KCNIP4: variants seen among roughly 807,000 people sequenced by gnomAD.
The protein encoded by KCNIP4 is Kv channel-interacting protein 4.
In KCNIP4, 12 loss-of-function variants were observed where a neutral mutation model predicts 34.0. That is an observed-to-expected ratio of 0.35 (90% CI 0.23 to 0.57). KCNIP4 has a LOEUF of 0.57. Ranked by LOEUF, KCNIP4 falls within the 20% of genes least tolerant of loss-of-function variation. KCNIP4 has a pLI of 0.83. For missense variants in KCNIP4, 238 were observed against 311.7 expected (o/e 0.76, Z 1.78); for synonymous variants, 124 against 102.2 (o/e 1.21, Z -1.29).
At chr4:21,648,490 T>C (rs1747207902) in intron 1 of KCNIP4, among the ~76,000 whole-genome samples, 1 of 152,142 alleles carries the variant, frequency 6.6e-6, no homozygotes, top group Non-Finnish European at 1.5e-5. Context: ...TATGGGGAGA[T>C]GCAGTTTACA....
intron 1 of KCNIP4, among the ~76,000 whole-genome samples, chr4:21,346,149 A>ATG (rs1346813014): frequency 1.7e-5 from 1 of 58,646 alleles, no homozygotes; most frequent in Non-Finnish European, 3.3e-5. Context: ...GTGTATATAT[A>ATG]TAATATATAA....
At chr4:20,758,710 C>G in intron 4 of KCNIP4, 111 bp downstream of exon 4, 1 of 826,440 alleles carries the variant, frequency 1.2e-6, no homozygotes. Flanking sequence ...TGCATTAATT[C>G]TTTTACATAA....
At chr4:20,769,468 T>C (rs983378916) in intron 3 of KCNIP4, among the ~76,000 whole-genome samples, 6 of 152,140 alleles carry the variant, frequency 3.9e-5, no homozygotes, top group African/African-American at 1.4e-4. Context: ...GTCAGGGTCT[T>C]TTAAAAATTA....
At chr4:21,174,046 G>C (rs1393200852) in intron 1 of KCNIP4, among the ~76,000 whole-genome samples, 1 of 152,126 alleles carries the variant, frequency 6.6e-6, no homozygotes, top group Non-Finnish European at 1.5e-5. Context: ...AAGTGCTCAC[G>C]TGATCTGTCC....
intron 1 of KCNIP4, among the ~76,000 whole-genome samples, chr4:21,574,758 A>C (rs1740619834): frequency 6.6e-6 from 1 of 152,180 alleles, no homozygotes; most frequent in Admixed American, 6.5e-5. Context: ...TCAGAAAGAA[A>C]GTATCTTGAC....
chr4:21,048,094 C>T (rs911793758), intron 1 of KCNIP4, among the ~76,000 whole-genome samples: 1 of 152,146 alleles, frequency 6.6e-6, no homozygotes, highest in Non-Finnish European at 1.5e-5. Context: ...TATTTTGTAT[C>T]TTTACCCTGA....
chr4:20,969,964 C>T (rs1194695763), intron 1 of KCNIP4, among the ~76,000 whole-genome samples: 7 of 146,478 alleles, frequency 4.8e-5, no homozygotes, highest in African/African-American at 1.5e-4. Context: ...TTTTTTGAGA[C>T]GGATTCTTGC....
At chr4:21,100,665 T>C (rs1350255409) in intron 1 of KCNIP4, among the ~76,000 whole-genome samples, 1 of 152,164 alleles carries the variant, frequency 6.6e-6, no homozygotes, top group African/African-American at 2.4e-5. Flanking sequence ...AGCAAAAAGA[T>C]TATGACTTGC....
At chr4:21,296,320 C>T (rs1381595816) in intron 1 of KCNIP4, among the ~76,000 whole-genome samples, 1 of 151,690 alleles carries the variant, frequency 6.6e-6, no homozygotes, top group African/African-American at 2.4e-5. Flanking sequence ...TGAGTGACAG[C>T]ATCTTACAAG....
chr4:21,038,561 C>T (rs1410858107), intron 1 of KCNIP4, among the ~76,000 whole-genome samples: 2 of 152,014 alleles, frequency 1.3e-5, no homozygotes, highest in Admixed American at 6.6e-5. Context: ...AGGAGGGCTT[C>T]GAATCCCTTC....
chr4:21,490,532 A>G (rs1732300163), intron 1 of KCNIP4, among the ~76,000 whole-genome samples: 2 of 152,172 alleles, frequency 1.3e-5, no homozygotes, highest in Non-Finnish European at 2.9e-5. Context: ...ACAAAAACAC[A>G]TTACATATGT....
At chr4:21,619,076 A>G (rs1744822488) in intron 1 of KCNIP4, among the ~76,000 whole-genome samples, 1 of 152,170 alleles carries the variant, frequency 6.6e-6, no homozygotes, top group Admixed American at 6.5e-5. Context: ...TGCTCACCCG[A>G]TAAGTGAGAC....
intron 1 of KCNIP4, among the ~76,000 whole-genome samples, chr4:21,761,488 A>G (rs903155547): frequency 4.6e-5 from 7 of 152,180 alleles, no homozygotes; most frequent in African/African-American, 1.7e-4. Context: ...TCAGTTGAAC[A>G]CTATACAGAC....
At position 21,350,923 on chromosome 4, in the gene KCNIP4, T is replaced by C. The variant is rs6825673; in HGVS notation, c.62-468214A>G. On this transcript the variant is annotated intron_variant, in intron 1 of 8. Coordinates refer to ENST00000382152, the MANE Select transcript of KCNIP4 (RefSeq NM_025221.6). ...ACAAAGAAGAAACTGTTATATCTTATAATGGAAGAAAATCTGACTGTGGAG... is the reference window on the plus strand; with the variant it reads ...ACAAAGAAGAAACTGTTATATCTTACAATGGAAGAAAATCTGACTGTGGAG... 2.7e-3 allele frequency among the ~76,000 whole-genome samples: 404 copies of C among 152,278 alleles called. 3 individuals are homozygous for C. The highest frequency in any genetic ancestry group is 9.3e-3 in the African/African-American group (385 of 41,560).
At chr4:21,644,168 GTAGTTACC>G (rs1746839818) in intron 1 of KCNIP4, among the ~76,000 whole-genome samples, 1 of 152,108 alleles carries the variant, frequency 6.6e-6, no homozygotes, top group Admixed American at 6.6e-5. Context: ...AGATTGCAAT[GTAGTTACC>G]ATCTACAGAG....
rs191657510 is a variant in KCNIP4 at position 21,378,555 on chromosome 4, G to T, written c.62-495846C>A. Among the ~76,000 whole-genome samples the T allele has an allele frequency of 4.4e-3, 672 of 152,126 alleles. 6 individuals carry two copies. Among genetic ancestry groups the T allele is most frequent in the African/African-American group, 0.015 (634 of 41,528 alleles). The stretch of plus-strand genomic sequence containing the variant: ...GATTTCCTATCTTTGTTCTTGTTTT[G>T]CTCTGAAAGAATTCCTCTCTTAAAT... On this transcript the variant is annotated intron_variant, in intron 1 of 8. Coordinates refer to ENST00000382152, the MANE Select transcript of KCNIP4 (RefSeq NM_025221.6).
intron 1 of KCNIP4, among the ~76,000 whole-genome samples, chr4:21,047,669 G>C (rs28391802): frequency 6.6e-6 from 1 of 152,072 alleles, no homozygotes; most frequent in South Asian, 2.1e-4. Context: ...TGGCCTATTT[G>C]ATTTTAGTCT....
At chr4:21,731,997 C>T (rs1458925314) in intron 1 of KCNIP4, among the ~76,000 whole-genome samples, 3 of 151,210 alleles carry the variant, frequency 2.0e-5, no homozygotes, top group Non-Finnish European at 4.4e-5. Context: ...TCCAATAATT[C>T]CAAACACACA....
chr4:21,506,046 T>A (rs534366982), intron 1 of KCNIP4, among the ~76,000 whole-genome samples: 1 of 152,278 alleles, frequency 6.6e-6, no homozygotes, highest in East Asian at 1.9e-4. Flanking sequence ...GAGGTTGCAG[T>A]GAGCTGAGAT....
Sources: gnomAD v4.1 joint callset for allele counts (sites outside exome capture counted in the v4.1 genomes callset) on GRCh38, gnomAD v4.1.1 for gene constraint, MANE v1.5 for transcripts, NCBI Gene and HGNC (gene_info 2026-07-23, HGNC 2026-07-21) for gene names.